SMG1: variants seen among roughly 807,000 people sequenced by gnomAD.
SMG1 encodes the protein SMG1 nonsense mediated mRNA decay associated PI3K related kinase.
In SMG1, 22 loss-of-function variants were observed where a neutral mutation model predicts 419.9. The observed-to-expected ratio is 0.05, with a 90% CI of 0.04 to 0.07. The LOEUF (loss-of-function observed/expected upper bound fraction) is 0.07, where lower values mean the gene tolerates loss of function less well. Among genes scored for constraint, SMG1 ranks in the 10% least tolerant of loss-of-function variants. The pLI is 1.00. For synonymous variants in SMG1, 1,538 were observed against 1,553.5 expected, an observed-to-expected ratio of 0.99 and a Z score of 0.23; for missense variants, 3,185 against 4,342.0, an observed-to-expected ratio of 0.73 and a Z score of 7.49.
At chr16:18,893,192 T>C (rs1329249842) in intron 3 of SMG1, among the ~76,000 whole-genome samples, 1 of 152,246 alleles carries the variant, frequency 6.6e-6, no homozygotes, top group Non-Finnish European at 1.5e-5. Flanking sequence ...TCAACAAATG[T>C]CTAATTATCA....
chr16:18,837,226 T>C, intron 46 of SMG1, 27 bp downstream of exon 46: 1 of 1,565,782 alleles, frequency 6.4e-7, no homozygotes, highest in Non-Finnish European at 8.7e-7. Flanking sequence ...TGGCACATAT[T>C]TAGAAGAATT....
intron 33 of SMG1, among the ~76,000 whole-genome samples, chr16:18,851,735 G>T (rs2034613176): frequency 6.6e-6 from 1 of 151,940 alleles, no homozygotes; most frequent in Admixed American, 6.6e-5. Context: ...TAGAGATGGG[G>T]TTTTGCCATG....
At chr16:18,882,837 C>T (rs2036458460) in intron 9 of SMG1, among the ~76,000 whole-genome samples, 4 of 152,046 alleles carry the variant, frequency 2.6e-5, no homozygotes, top group African/African-American at 7.2e-5. Flanking sequence ...GGACAAGATT[C>T]GCAAAAACTG....
At chr16:18,861,073 A>G in intron 25 of SMG1, 1 of 293,836 alleles carries the variant, frequency 3.4e-6, no homozygotes, top group Middle Eastern at 1.2e-3. Flanking sequence ...TGTTCTCTTC[A>G]GATCCTAACA....
intron 56 of SMG1, 93 bp from the exon 57 acceptor site, chr16:18,817,563 ATT>A (rs915850780): frequency 5.8e-5 from 59 of 1,022,606 alleles, no homozygotes; most frequent in Admixed American, 1.5e-4. Flanking sequence ...CTACTTCCTC[ATT>A]TTGAGAATTC....
chr16:18,835,051 T>C lies in SMG1; in HGVS notation c.8171A>G (p.Gln2724Arg). The change falls in exon 49 of 63, where the codon CAA (glutamine) becomes CGA (arginine). Residue 2724 changes from glutamine (Q) to arginine (R), a missense_variant. Physicochemically the swap from Gln to Arg is conservative, Grantham distance 43 (BLOSUM62 1). Coordinates refer to ENST00000446231, the MANE Select transcript of SMG1 (RefSeq NM_015092.5). Reference protein sequence around the residue: ...AADINSRLIRQVERLKQEAVT... With the variant: ...AADINSRLIRRVERLKQEAVT... The stretch of plus-strand genomic sequence containing the variant: ...AGCTTCCTGTTTCAAGCGTTCCACT[T>C]GTCTAATAAGTCTGCTGTTGATGTC... 1 of 1,614,012 alleles carries C rather than the reference T, an allele frequency of 6.2e-7. No individual in the cohort carries two copies. The highest frequency in any genetic ancestry group is 8.5e-7 in the Non-Finnish European group (1 of 1,179,880).
chr16:18,893,177 T>C (rs2036960587), intron 3 of SMG1, among the ~76,000 whole-genome samples: 1 of 152,230 alleles, frequency 6.6e-6, no homozygotes, highest in Non-Finnish European at 1.5e-5. Flanking sequence ...TTTCACACAT[T>C]TAGTTCAACA....
Position 18,848,144 on chromosome 16 carries a change from C to A in SMG1, c.5624-111G>T, listed in dbSNP as rs566846999. 1.4e-4 allele frequency: 121 copies of A among 881,630 alleles called. No homozygotes were observed. The South Asian group carries it at 1.9e-3, about 14-fold the overall frequency. 54.6% of individuals were successfully genotyped at this position (881,630 alleles called of 1,614,324 possible). On this transcript the variant is annotated intron_variant, in intron 36 of 62. Coordinates refer to ENST00000446231, the MANE Select transcript of SMG1 (RefSeq NM_015092.5). ...TTGACTCAAGAGCACTCATTGAACT[C>A]ATTTGCCTTCCAGGCATAGAACTGA...
At chr16:18,837,983 G>C in intron 45 of SMG1, 31 bp downstream of exon 45, 2 of 1,601,620 alleles carry the variant, frequency 1.2e-6, no homozygotes, top group Non-Finnish European at 8.5e-7. Context: ...ATAAAAAGAA[G>C]ACAATGACTT....
intron 46 of SMG1, among the ~76,000 whole-genome samples, chr16:18,836,953 A>C (rs1322754392): frequency 6.6e-6 from 1 of 152,256 alleles, no homozygotes; most frequent in Non-Finnish European, 1.5e-5. Context: ...TAAGGACTCA[A>C]GATACATAAT....
At chr16:18,870,924 C>T (rs982459793) in intron 16 of SMG1, 36 bp from the exon 17 acceptor site, 2 of 996,546 alleles carry the variant, frequency 2.0e-6, no homozygotes, top group African/African-American at 3.3e-5. Flanking sequence ...TTTCAGCTGG[C>T]CAAAAGAAAT....
At position 18,838,708 on chromosome 16, in the gene SMG1, G is replaced by A; in HGVS notation, c.6946-19C>T. The A allele has an allele frequency of 2.0e-6, 3 of 1,521,928 alleles. No homozygotes were observed. Among genetic ancestry groups the A allele is most frequent in the South Asian group, 1.2e-5 (1 of 81,714 alleles). 94.3% of individuals were successfully genotyped at this position (1,521,928 alleles called of 1,614,324 possible). A position where few individuals can be genotyped will look rare whatever the true frequency, so the allele number is the denominator to read the frequency against. On this transcript the variant is annotated intron_variant, in intron 42 of 62. Transcript: ENST00000446231. ...CATAAGACTAAAGGAAAGGAAATGGGGGCAGCAAGTGAAACACCATTAAGA... is the reference window on the plus strand; with the variant it reads ...CATAAGACTAAAGGAAAGGAAATGGAGGCAGCAAGTGAAACACCATTAAGA...
At chr16:18,891,793 CTT>C (rs2036893577) in intron 4 of SMG1, among the ~76,000 whole-genome samples, 1 of 152,208 alleles carries the variant, frequency 6.6e-6, no homozygotes, top group African/African-American at 2.4e-5. Context: ...CCTTCCTATA[CTT>C]TGTTACATTT....
At position 18,859,071 on chromosome 16, in the gene SMG1, T is replaced by A. The variant is rs964352494; in HGVS notation, c.4064A>T (p.Tyr1355Phe). 10 of 1,531,990 alleles carry A rather than the reference T, an allele frequency of 6.5e-6. No individual in the cohort carries two copies. The highest frequency in any genetic ancestry group is 7.9e-6 in the Non-Finnish European group (9 of 1,143,716). 94.9% of individuals were successfully genotyped at this position (1,531,990 alleles called of 1,614,324 possible). The stretch of plus-strand genomic sequence containing the variant: ...TGTGTTCTCCAAAGCAGATGAGCAA[T>A]ACAGCTGCAAGGTACTTAGAACTGG... ...SLPVLSTLQL[Y>F]CSSALENTVS... Residue 1355 changes from tyrosine (Y) to phenylalanine (F), a missense_variant, in exon 28 of 63, where the codon TAT (tyrosine) becomes TTT (phenylalanine). By Grantham distance (22) the Tyr-to-Phe change is conservative. Coordinates refer to ENST00000446231, the MANE Select transcript of SMG1 (RefSeq NM_015092.5).
intron 1 of SMG1, among the ~76,000 whole-genome samples, chr16:18,909,148 G>A (rs992828177): frequency 2.0e-5 from 3 of 151,638 alleles, no homozygotes; most frequent in Non-Finnish European, 4.4e-5. Context: ...TTCAAGACCA[G>A]CCTGGCCAAC....
chr16:18,820,080 C>A (rs1264109331), intron 55 of SMG1, among the ~76,000 whole-genome samples: 1 of 152,180 alleles, frequency 6.6e-6, no homozygotes, highest in East Asian at 1.9e-4. Flanking sequence ...ATTCTCCTGC[C>A]TCAGCCTCCC....
intron 1 of SMG1, among the ~76,000 whole-genome samples, chr16:18,916,356 A>T (rs1357889501): frequency 8.6e-5 from 13 of 151,518 alleles, no homozygotes; most frequent in Non-Finnish European, 1.0e-4. Context: ...TCTACCAAAA[A>T]TACAAAAAAT....
chr16:18,818,275 C>T (rs1025817085), intron 56 of SMG1, among the ~76,000 whole-genome samples: 1 of 152,010 alleles, frequency 6.6e-6, no homozygotes, highest in Non-Finnish European at 1.5e-5. Flanking sequence ...ATCCCAGCTA[C>T]TTGGGAGGCT....
In SMG1 at chr16:18,807,974, G is replaced by A. The variant is rs1043890391; in HGVS notation, c.*1595C>T. 2 of 152,272 alleles carry A rather than the reference G, an allele frequency of 1.3e-5. No individual in the cohort carries two copies. The highest frequency in any genetic ancestry group is 1.3e-4 in the Admixed American group (2 of 15,286). 9.4% of individuals were successfully genotyped at this position (152,272 alleles called of 1,614,324 possible). On this transcript the variant is annotated 3_prime_UTR_variant, in exon 63 of 63. Transcript: ENST00000446231. ...GACGGGGTTTCACCGTGTTAGCCAG[G>A]ATGGTCTCGCTCTCCTAACCTCATG...
Sources: allele counts gnomAD v4.1 joint callset (sites outside exome capture counted in the v4.1 genomes callset), GRCh38; gene constraint gnomAD v4.1.1; transcripts MANE v1.5; gene names NCBI Gene and HGNC (gene_info 2026-07-23, HGNC 2026-07-21).